The following PCDH9 variants were observed in gnomAD, a reference collection of about 807,000 sequenced individuals.
The protein encoded by PCDH9 is protocadherin-9.
A neutral mutation model predicts 70.6 loss-of-function variants in PCDH9; 24 were observed. The observed-to-expected ratio is 0.34, with a 90% CI of 0.25 to 0.48. PCDH9 has a LOEUF of 0.48. Ranked by LOEUF, PCDH9 falls within the 20% of genes least tolerant of loss-of-function variation. The pLI, the probability that PCDH9 is intolerant of heterozygous loss-of-function variation, is 0.99. For missense variants in PCDH9, 1,281 were observed against 1,503.6 expected, an observed-to-expected ratio of 0.85 and a Z score of 2.45; for synonymous variants, 562 against 558.5, an observed-to-expected ratio of 1.01 and a Z score of -0.09.
At chr13:66,789,862 C>CT (rs2080137063) in intron 3 of PCDH9, among the ~76,000 whole-genome samples, 1 of 152,090 alleles carries the variant, frequency 6.6e-6, no homozygotes, top group Non-Finnish European at 1.5e-5. Flanking sequence ...TACTTGGTGT[C>CT]TAACAAATAA....
chr13:67,219,178 A>G lies in PCDH9; in HGVS notation c.3036+6227T>C, dbSNP rs1010021773. 3.9e-5 allele frequency: 6 copies of G among 152,024 alleles called. No individual in the cohort carries two copies. The East Asian group carries it at 1.2e-3, about 29-fold the overall frequency. The allele number at this position is 152,024 out of a possible 1,614,324, so 9.4% of individuals were successfully genotyped here. On this transcript the variant is annotated intron_variant, in intron 2 of 4. Coordinates refer to ENST00000377865, the MANE Select transcript of PCDH9 (RefSeq NM_203487.3). The stretch of plus-strand genomic sequence containing the variant: ...TATTTCTGTATCACTCTTTACTGTT[A>G]AAAAAGGACAGTTGTTTAACTTATT...
At chr13:67,154,584 A>AG (rs2087750896) in intron 2 of PCDH9, among the ~76,000 whole-genome samples, 1 of 87,930 alleles carries the variant, frequency 1.1e-5, no homozygotes, top group Admixed American at 1.1e-4. Flanking sequence ...TCAAAAAAAA[A>AG]AAAAAAAAAA....
Position 67,225,745 on chromosome 13 carries a change from G to T in PCDH9, c.2696C>A (p.Pro899His), listed in dbSNP as rs375788972. ...CGGCAGGCTTATTGTCCCATTGATA[G>T]GTTCATGAACTGCATCATCGGGTTT... is the stretch of plus-strand genomic sequence containing the variant. ...ESKPDDAVHEPINGTISLPAE... is the reference protein window; with the variant it reads ...ESKPDDAVHEHINGTISLPAE... Residue 899 changes from proline to histidine, a missense_variant, in exon 2 of 5, where the codon CCT (proline) becomes CAT (histidine). Physicochemically the swap from Pro to His is moderately conservative, Grantham distance 77. This residue lies in a region of PCDH9 where 207 missense variants were observed against 191.8 expected (regional missense o/e 1.08). Transcript: ENST00000377865. 85 of 1,613,894 alleles carry T rather than the reference G, an allele frequency of 5.3e-5. No homozygotes were observed. Among genetic ancestry groups the T allele is most frequent in the Non-Finnish European group, 6.8e-5 (80 of 1,179,926 alleles).
chr13:66,849,507 TATATATATATAGAGAGAGAGAG>T (rs1388075190), intron 3 of PCDH9, among the ~76,000 whole-genome samples: 1 of 90,038 alleles, frequency 1.1e-5, no homozygotes, highest in Non-Finnish European at 2.1e-5. Context: ...TATATATATA[TATATATATATAGAGAGAGAGAG>T]AGAGAGAGAG....
intron 4 of PCDH9, among the ~76,000 whole-genome samples, chr13:66,585,450 C>T (rs1423959275): frequency 6.6e-6 from 1 of 152,058 alleles, no homozygotes; most frequent in Non-Finnish European, 1.5e-5. Flanking sequence ...CCTGAGCAAA[C>T]CTCCTGAATA....
chr13:66,519,439 C>G (rs558866541), intron 4 of PCDH9, among the ~76,000 whole-genome samples: 1 of 152,042 alleles, frequency 6.6e-6, no homozygotes, highest in South Asian at 2.1e-4. Flanking sequence ...AAGAGGCAGA[C>G]GAGCACTCTT....
At chr13:66,998,930 C>T (rs937430525) in intron 2 of PCDH9, among the ~76,000 whole-genome samples, 3 of 152,162 alleles carry the variant, frequency 2.0e-5, no homozygotes, top group Admixed American at 6.5e-5. Context: ...AAATAAAGAG[C>T]AACAAAATAC....
chr13:66,565,953 T>A (rs1472708475), intron 4 of PCDH9, among the ~76,000 whole-genome samples: 1 of 152,154 alleles, frequency 6.6e-6, no homozygotes, highest in Non-Finnish European at 1.5e-5. Flanking sequence ...CTTACCCTAC[T>A]TTGCCTGAGA....
intron 4 of PCDH9, among the ~76,000 whole-genome samples, chr13:66,413,107 T>C (rs1957398408): frequency 6.6e-6 from 1 of 152,160 alleles, no homozygotes; most frequent in Non-Finnish European, 1.5e-5. Flanking sequence ...CAAGGAATCT[T>C]ACCAGGAAAA....
intron 3 of PCDH9, among the ~76,000 whole-genome samples, chr13:66,845,522 G>T (rs936069542): frequency 6.6e-6 from 1 of 152,198 alleles, no homozygotes; most frequent in Non-Finnish European, 1.5e-5. Context: ...CCACAGCCAT[G>T]GGTTGGGTGG....
chr13:66,945,357 T>C (rs2083071666), intron 2 of PCDH9, among the ~76,000 whole-genome samples: 1 of 152,152 alleles, frequency 6.6e-6, no homozygotes, highest in Non-Finnish European at 1.5e-5. Flanking sequence ...GAGTGCCATA[T>C]TCTTATGGTA....
intron 2 of PCDH9, among the ~76,000 whole-genome samples, chr13:67,158,371 A>G (rs2087867653): frequency 1.3e-5 from 2 of 152,250 alleles, no homozygotes; most frequent in African/African-American, 4.8e-5. Context: ...ATGCCAATGA[A>G]TGAAAGGCCC....
chr13:66,950,546 G>C (rs946490233), intron 2 of PCDH9, among the ~76,000 whole-genome samples: 4 of 151,294 alleles, frequency 2.6e-5, no homozygotes, highest in African/African-American at 9.7e-5. Flanking sequence ...CTTTTGTTCT[G>C]GGAAAATATT....
intron 4 of PCDH9, among the ~76,000 whole-genome samples, chr13:66,434,114 A>C (rs902333821): frequency 6.6e-6 from 1 of 152,050 alleles, no homozygotes; most frequent in Non-Finnish European, 1.5e-5. Flanking sequence ...AAGGTTATCA[A>C]GACATTATTA....
intron 3 of PCDH9, among the ~76,000 whole-genome samples, chr13:66,733,591 C>CATTTAT (rs1192509558): frequency 6.6e-6 from 1 of 151,738 alleles, no homozygotes; most frequent in African/African-American, 2.4e-5. Flanking sequence ...TCTGGAAAAT[C>CATTTAT]TGTTAAGTGG....
At chr13:66,837,463 T>C (rs574767567) in intron 3 of PCDH9, among the ~76,000 whole-genome samples, 19 of 152,292 alleles carry the variant, frequency 1.2e-4, no homozygotes, top group African/African-American at 4.1e-4. Flanking sequence ...CCAAAGACCC[T>C]GCCCACGACC....
At chr13:66,887,074 CACA>C (rs1566267423) in intron 3 of PCDH9, among the ~76,000 whole-genome samples, 20 of 137,738 alleles carry the variant, frequency 1.5e-4, no homozygotes, top group African/African-American at 4.5e-4. Context: ...CACACACACA[CACA>C]CCCTGTATTT....
chr13:67,043,260 G>C (rs1414781037), intron 2 of PCDH9, among the ~76,000 whole-genome samples: 1 of 152,206 alleles, frequency 6.6e-6, no homozygotes, highest in African/African-American at 2.4e-5. Flanking sequence ...CTGGGGAAGA[G>C]ATGAAAGGCT....
chr13:66,769,923 G>C (rs895389599), intron 3 of PCDH9, among the ~76,000 whole-genome samples: 2 of 152,086 alleles, frequency 1.3e-5, no homozygotes, highest in Middle Eastern at 3.4e-3. Context: ...AAGGCAGGAG[G>C]GGATAATTTC....
Sources: allele counts gnomAD v4.1 joint callset (sites outside exome capture counted in the v4.1 genomes callset), GRCh38; gene constraint gnomAD v4.1.1; regional missense constraint gnomAD v4.1.1; transcripts MANE v1.5; gene names NCBI Gene and HGNC (gene_info 2026-07-23, HGNC 2026-07-21).